The following CYP4F3 variants were observed in gnomAD, a reference collection of about 807,000 sequenced individuals.
CYP4F3 encodes the protein cytochrome P450 family 4 subfamily F member 3.
A neutral mutation model predicts 54.8 loss-of-function variants in CYP4F3; 50 were observed. The observed-to-expected ratio is 0.91, with a 90% CI of 0.73 to 1.16. The LOEUF (loss-of-function observed/expected upper bound fraction) is 1.16. CYP4F3 is among the 50% of genes most tolerant of loss of function. The probability of loss-of-function intolerance (pLI) is 0.00; values close to 1 mark genes in which losing one functional copy is unlikely to be tolerated. For synonymous variants in CYP4F3, 244 were observed against 262.6 expected, an observed-to-expected ratio of 0.93 and a Z score of 0.69; for missense variants, 715 against 676.2, an observed-to-expected ratio of 1.06 and a Z score of -0.64.
chr19:15,650,698 TTCTTTC>T (rs1568397699), intron 7 of CYP4F3, among the ~76,000 whole-genome samples: 1 of 62,182 alleles, frequency 1.6e-5, no homozygotes, highest in Non-Finnish European at 2.8e-5. Flanking sequence ...CTTTCTTTCT[TTCTTTC>T]TTTCTTTCTT....
rs35022734 is a variant in CYP4F3 at position 15,659,816 on chromosome 19, T to C, written c.*431T>C. ...CAGAACAGGCCAATCTGAAGAGATG[T>C]ATAGTGGATTGGTGGCTTTCAGCAG... On this transcript the variant is annotated 3_prime_UTR_variant, in exon 13 of 13. Coordinates refer to ENST00000221307, the MANE Select transcript of CYP4F3 (RefSeq NM_000896.3). The C allele has an allele frequency of 6.3e-6, 1 of 157,522 alleles. No homozygotes were observed. The highest frequency in any genetic ancestry group is 2.4e-5 in the African/African-American group (1 of 41,558). 9.8% of individuals were successfully genotyped at this position (157,522 alleles called of 1,614,324 possible). A position where few individuals can be genotyped will look rare whatever the true frequency, so the allele number is the denominator to read the frequency against.
At chr19:15,656,793 TCCA>T (rs1973039578) in intron 9 of CYP4F3, among the ~76,000 whole-genome samples, 4 of 151,264 alleles carry the variant, frequency 2.6e-5, no homozygotes, top group Non-Finnish European at 4.4e-5. Flanking sequence ...GATCTATCTC[TCCA>T]CCATCTATGA....
In CYP4F3 at chr19:15,647,091, T is replaced by C. The variant is rs768306837; in HGVS notation, c.383T>C (p.Leu128Pro). Reference sequence around the variant, plus strand: ...AAGGACAAGGTCTTCTACAGCTTCCTGAAGCCCTGGCTGGGTGAGTATCTG... The same window carrying C: ...AAGGACAAGGTCTTCTACAGCTTCCCGAAGCCCTGGCTGGGTGAGTATCTG... ...VPKDKVFYSF[L>P]KPWLGDGLLL... is the part of the protein sequence containing the mutation. Residue 128 changes from leucine to proline, a missense_variant, in exon 4 of 13, where the codon CTG (leucine) becomes CCG (proline). Leu to Pro is a moderately conservative substitution (Grantham distance 98, BLOSUM62 -3). Coordinates refer to ENST00000221307, the MANE Select transcript of CYP4F3 (RefSeq NM_000896.3). The C allele has an allele frequency of 3.7e-6, 6 of 1,613,808 alleles. No individual in the cohort carries two copies. Among genetic ancestry groups the C allele is most frequent in the East Asian group, 2.2e-5 (1 of 44,890 alleles).
intron 4 of CYP4F3, 39 bp from the exon 5 acceptor site, chr19:15,647,158 G>A (rs768217160): frequency 1.9e-6 from 3 of 1,613,870 alleles, no homozygotes; most frequent in Admixed American, 3.3e-5. Context: ...GCCAGGGGAG[G>A]GAGATGCCCT....
At chr19:15,652,685 C>A in intron 8 of CYP4F3, 50 bp downstream of exon 8, 1 of 1,613,712 alleles carries the variant, frequency 6.2e-7, no homozygotes. Flanking sequence ...ATCTCCATTC[C>A]AGGAACAGGG....
chr19:15,656,767 T>TCTATCTATCATC (rs780753650), intron 9 of CYP4F3, among the ~76,000 whole-genome samples: 5 of 62,336 alleles, frequency 8.0e-5, no homozygotes, highest in Admixed American at 3.8e-4. Flanking sequence ...TATCTATCTA[T>TCTATCTATCATC]CATCCATCCA....
intron 12 of CYP4F3, among the ~76,000 whole-genome samples, 186 bp from the exon 13 acceptor site, chr19:15,659,034 G>C (rs1261338883): frequency 4.3e-5 from 2 of 46,516 alleles, no homozygotes; most frequent in South Asian, 1.0e-3. Flanking sequence ...GTCTAGGCTG[G>C]GGGGTTGGAG....
At chr19:15,650,332 A>T in intron 7 of CYP4F3, 149 bp downstream of exon 7, 2 of 1,496,374 alleles carry the variant, frequency 1.3e-6, no homozygotes, top group Non-Finnish European at 1.8e-6. Context: ...TAGGTTTTGG[A>T]GATAGCTCTG....
intron 2 of CYP4F3, among the ~76,000 whole-genome samples, chr19:15,644,274 GC>G (rs1249511415): frequency 6.6e-6 from 1 of 152,084 alleles, no homozygotes; most frequent in Non-Finnish European, 1.5e-5. Flanking sequence ...CTGCCCTGGG[GC>G]CCCAAGAGAC....
In CYP4F3 at chr19:15,661,772, T is replaced by C. The variant is rs1215975352; in HGVS notation, c.*2387T>C. 6.6e-6 allele frequency: 1 copy of C among 152,224 alleles called. No individual in the cohort carries two copies. The highest frequency in any genetic ancestry group is 2.4e-5 in the African/African-American group (1 of 41,458). 9.4% of individuals were successfully genotyped at this position (152,224 alleles called of 1,614,324 possible). ...TCTCAGTTTTATTTTTGGTGAATTA[T>C]GTTTATACTGCCATATATAGGAACT... On this transcript the variant is annotated 3_prime_UTR_variant, in exon 13 of 13. Transcript: ENST00000221307.
chr19:15,659,647 T>C lies in CYP4F3; in HGVS notation c.*262T>C, dbSNP rs2144681588. ...GGATAAACAAAATATGGTCCATCCA[T>C]ACAATGGAGTATTACACAGCCATAA... On this transcript the variant is annotated 3_prime_UTR_variant, in exon 13 of 13. Coordinates refer to ENST00000221307, the MANE Select transcript of CYP4F3 (RefSeq NM_000896.3). The C allele has an allele frequency of 1.8e-6, 1 of 543,232 alleles. No individual in the cohort carries two copies. The highest frequency in any genetic ancestry group is 3.3e-5 in the East Asian group (1 of 30,330). The allele number at this position is 543,232 out of a possible 1,614,324, so 33.7% of individuals were successfully genotyped here.
rs1345545894 is a variant in CYP4F3 at position 15,662,032 on chromosome 19, G to C, written c.*2647G>C. The C allele has an allele frequency of 1.3e-5, 2 of 151,890 alleles. No individual in the cohort carries two copies. Among genetic ancestry groups the C allele is most frequent in the Non-Finnish European group, 2.9e-5 (2 of 67,996 alleles). The allele number at this position is 151,890 out of a possible 1,614,324, so 9.4% of individuals were successfully genotyped here. A position where few individuals can be genotyped will look rare whatever the true frequency, so the allele number is the denominator to read the frequency against. ...TCACACCTGTAATCCCAGCACTTTA[G>C]GAGGTCAAGGTGGGCAGATCATGAG... is the stretch of plus-strand genomic sequence containing the variant. On this transcript the variant is annotated 3_prime_UTR_variant, in exon 13 of 13. Coordinates refer to ENST00000221307, the MANE Select transcript of CYP4F3 (RefSeq NM_000896.3).
chr19:15,641,952 T>C (rs1403318913), intron 2 of CYP4F3, among the ~76,000 whole-genome samples: 20 of 152,138 alleles, frequency 1.3e-4, no homozygotes, highest in Admixed American at 1.3e-3. Flanking sequence ...CGAGGCCTCC[T>C]GTACCCACTG....
At chr19:15,655,484 G>C (rs771139920) in intron 9 of CYP4F3, among the ~76,000 whole-genome samples, 5 of 152,122 alleles carry the variant, frequency 3.3e-5, no homozygotes, top group Non-Finnish European at 5.9e-5. Flanking sequence ...GCAAAATTAT[G>C]CGTGTAGTTT....
In CYP4F3 at chr19:15,661,152, C is replaced by T. The variant is rs1254496276; in HGVS notation, c.*1767C>T. On this transcript the variant is annotated 3_prime_UTR_variant, in exon 13 of 13. Coordinates refer to ENST00000221307, the MANE Select transcript of CYP4F3 (RefSeq NM_000896.3). ...TGGTGCGGGCCTGTAATCCCAGCTA[C>T]TCGGGAGGCTGATGCGGGAGAATCA... 6.6e-6 allele frequency: 1 copy of T among 151,952 alleles called. No homozygotes were observed. Among genetic ancestry groups the T allele is most frequent in the Non-Finnish European group, 1.5e-5 (1 of 68,012 alleles). 9.4% of individuals were successfully genotyped at this position (151,952 alleles called of 1,614,324 possible).
chr19:15,647,855 T>C (rs1972676628), intron 5 of CYP4F3, among the ~76,000 whole-genome samples: 1 of 152,162 alleles, frequency 6.6e-6, no homozygotes, highest in Non-Finnish European at 1.5e-5. Flanking sequence ...CCCTGGATGT[T>C]CCTCCATCTG....
intron 7 of CYP4F3, among the ~76,000 whole-genome samples, chr19:15,650,668 C>CTTTCTT (rs1972774831): frequency 5.0e-5 from 1 of 19,860 alleles, no homozygotes; most frequent in Admixed American, 6.0e-4. Flanking sequence ...CTTTTTCTTT[C>CTTTCTT]TTTCTTTCTT....
At chr19:15,651,697 A>G (rs890019578) in intron 7 of CYP4F3, among the ~76,000 whole-genome samples, 1 of 148,794 alleles carries the variant, frequency 6.7e-6, no homozygotes, top group African/African-American at 2.5e-5. Context: ...TTGTCTGTCC[A>G]TGTTTATGTC....
chr19:15,662,250 G>A lies in CYP4F3; in HGVS notation c.*2865G>A, dbSNP rs545373916. The A allele has an allele frequency of 2.0e-5, 2 of 101,636 alleles. No individual in the cohort carries two copies. Among genetic ancestry groups the A allele is most frequent in the Non-Finnish European group, 1.8e-5 (1 of 57,086 alleles). The allele number at this position is 101,636 out of a possible 1,614,324, so 6.3% of individuals were successfully genotyped here. On this transcript the variant is annotated 3_prime_UTR_variant, in exon 13 of 13. Coordinates refer to ENST00000221307, the MANE Select transcript of CYP4F3 (RefSeq NM_000896.3). ...TGTGCCACTGCACTCCAGCCTGGGT[G>A]AAAGAGCTAGATTCTCTCTCTCAAA...
Sources: allele counts gnomAD v4.1 joint callset (sites outside exome capture counted in the v4.1 genomes callset), GRCh38; gene constraint gnomAD v4.1.1; transcripts MANE v1.5; gene names NCBI Gene and HGNC (gene_info 2026-07-23, HGNC 2026-07-21).